Variants in PLEKHG1 observed in about 807,000 individuals in gnomAD.
The protein encoded by PLEKHG1 is pleckstrin homology domain-containing family G member 1.
A neutral mutation model predicts 100.8 loss-of-function variants in PLEKHG1; 44 were observed. That is an observed-to-expected ratio of 0.44 (90% CI 0.34 to 0.56). PLEKHG1 has a LOEUF of 0.56. Among genes scored for constraint, PLEKHG1 ranks in the 20% least tolerant of loss-of-function variants. PLEKHG1 has a pLI of 0.01. For missense variants in PLEKHG1, 1,545 were observed against 1,720.9 expected (o/e 0.90, Z 1.81); for synonymous variants, 640 against 662.5 (o/e 0.97, Z 0.52).
At chr6:150,819,591 A>T (rs946645186) in intron 11 of PLEKHG1, 88 bp from the exon 13 acceptor site, 138 of 642,044 alleles carry the variant, frequency 2.1e-4, no homozygotes, top group Non-Finnish European at 3.7e-4. Flanking sequence ...AATAATAATA[A>T]ATCCATATAA....
chr6:150,619,131 C>G (rs1777189832), intron 1 of PLEKHG1, among the ~76,000 whole-genome samples: 1 of 152,106 alleles, frequency 6.6e-6, no homozygotes, highest in Non-Finnish European at 1.5e-5. Flanking sequence ...GGAACAGATC[C>G]TGGACAATTT....
intron 3 of PLEKHG1, among the ~76,000 whole-genome samples, chr6:150,675,290 T>C (rs183105341): frequency 9.2e-5 from 14 of 152,316 alleles, no homozygotes; most frequent in East Asian, 5.8e-4. Context: ...ACTTGCATGA[T>C]TGAGGAGCTT....
Position 150,690,315 on chromosome 6 carries a change from A to ATGCT in PLEKHG1, c.-99+39529_-99+39530insTGCT, listed in dbSNP as rs1280098535. 7.9e-5 allele frequency among the ~76,000 whole-genome samples: 12 copies of ATGCT among 151,972 alleles called. No individual in the cohort carries two copies. In the East Asian group the frequency reaches 2.3e-3, roughly 29 times the overall value. On this transcript the variant is annotated intron_variant, in intron 3 of 3. Coordinates refer to the PLEKHG1 transcript ENST00000367326. The stretch of plus-strand genomic sequence containing the variant: ...TGGGATCCTGGTGCGCCCATCACCC[A>ATGCT]AGCAGCATACACTGCACCACATCTT...
intron 3 of PLEKHG1, among the ~76,000 whole-genome samples, chr6:150,677,302 A>ACG (rs377732298): frequency 1.6e-3 from 230 of 144,402 alleles, no homozygotes; most frequent in Middle Eastern, 0.014. Flanking sequence ...ACACACACAC[A>ACG]CGCGCGCGCG....
At chr6:150,805,044 T>C (rs1786979182) in intron 7 of PLEKHG1, among the ~76,000 whole-genome samples, 1 of 152,024 alleles carries the variant, frequency 6.6e-6, no homozygotes, top group South Asian at 2.1e-4. Flanking sequence ...CAAGCAGTTA[T>C]TCCCCCTCAG....
At chr6:150,775,837 G>T (rs1784931692) in intron 3 of PLEKHG1, among the ~76,000 whole-genome samples, 1 of 152,120 alleles carries the variant, frequency 6.6e-6, no homozygotes, top group Non-Finnish European at 1.5e-5. Context: ...CAATGGTAGA[G>T]ATATTTTTAC....
At chr6:150,829,075 T>A (rs1281098462) in intron 14 of PLEKHG1, among the ~76,000 whole-genome samples, 1 of 152,224 alleles carries the variant, frequency 6.6e-6, no homozygotes, top group Non-Finnish European at 1.5e-5. Flanking sequence ...CCAATTAACA[T>A]CTATCCCATT....
rs1364742253 is a variant in PLEKHG1 at position 150,606,720 on chromosome 6, A to G, written c.-204+6703A>G. Among the ~76,000 whole-genome samples the G allele has an allele frequency of 3.3e-5, 5 of 152,162 alleles. No individual in the cohort carries two copies. The South Asian group carries it at 8.3e-4, about 25-fold the overall frequency. ...TCTGGATGATTCAGTGGAAGTCTTGACAAAACTTGGCTATTTCTGGCTGTA... is the reference window on the plus strand; with the variant it reads ...TCTGGATGATTCAGTGGAAGTCTTGGCAAAACTTGGCTATTTCTGGCTGTA... On this transcript the variant is annotated intron_variant, in intron 1 of 3. Transcript: ENST00000367326.
intron 1 of PLEKHG1, chr6:150,625,094 A>G (rs1314573728): frequency 6.6e-6 from 1 of 152,160 alleles, no homozygotes; most frequent in Non-Finnish European, 1.5e-5. Flanking sequence ...CAGTGAGCCA[A>G]GATCGTGCCA....
chr6:150,812,477 TCAAAGG>T (rs1231265084), intron 10 of PLEKHG1, among the ~76,000 whole-genome samples: 11 of 152,052 alleles, frequency 7.2e-5, no homozygotes, highest in Non-Finnish European at 1.5e-4. Context: ...AGACACAGTC[TCAAAGG>T]CTGCCGAGGT....
intron 1 of PLEKHG1, among the ~76,000 whole-genome samples, chr6:150,612,442 C>G (rs1422576066): frequency 6.6e-6 from 1 of 152,170 alleles, no homozygotes; most frequent in Non-Finnish European, 1.5e-5. Flanking sequence ...CGGCAATTCT[C>G]CTGCCTCAGC....
At chr6:150,768,052 G>T (rs1379381702) in intron 2 of PLEKHG1, among the ~76,000 whole-genome samples, 2 of 152,112 alleles carry the variant, frequency 1.3e-5, no homozygotes, top group Non-Finnish European at 2.9e-5. Context: ...AGATCTGTTT[G>T]GGAGCTGTTT....
intron 2 of PLEKHG1, among the ~76,000 whole-genome samples, chr6:150,768,266 G>A (rs1194721042): frequency 1.3e-5 from 2 of 152,094 alleles, no homozygotes; most frequent in East Asian, 3.8e-4. Flanking sequence ...TTTATTTCTG[G>A]TTTTTCACTA....
intron 2 of PLEKHG1, among the ~76,000 whole-genome samples, chr6:150,738,830 T>C (rs1163733490): frequency 6.6e-6 from 1 of 152,232 alleles, no homozygotes; most frequent in Non-Finnish European, 1.5e-5. Flanking sequence ...GGAGCTGTTA[T>C]TTCTATTTTA....
intron 1 of PLEKHG1, among the ~76,000 whole-genome samples, chr6:150,611,201 C>G (rs1218415975): frequency 2.6e-5 from 4 of 152,180 alleles, no homozygotes; most frequent in African/African-American, 7.2e-5. Flanking sequence ...ATTTGCAGAT[C>G]TGATGTTCAA....
chr6:150,713,104 G>A (rs981471103), intron 3 of PLEKHG1, among the ~76,000 whole-genome samples: 1 of 152,308 alleles, frequency 6.6e-6, no homozygotes, highest in African/African-American at 2.4e-5. Flanking sequence ...ACATGAGGGC[G>A]AGTAAGAGGT....
At chr6:150,701,180 TGTG>T (rs1333030017) in intron 3 of PLEKHG1, among the ~76,000 whole-genome samples, 5 of 150,942 alleles carry the variant, frequency 3.3e-5, no homozygotes, top group East Asian at 3.9e-4. Flanking sequence ...ATTAGCCAGG[TGTG>T]GTGGTGGGCG....
At chr6:150,796,010 T>C in intron 5 of PLEKHG1, 108 bp downstream of exon 6, 1 of 713,096 alleles carries the variant, frequency 1.4e-6, no homozygotes, top group Non-Finnish European at 2.5e-6. Context: ...GGCCTTGTGC[T>C]GAATACTATG....
intron 3 of PLEKHG1, among the ~76,000 whole-genome samples, chr6:150,654,501 A>G (rs1389358253): frequency 6.6e-6 from 1 of 152,212 alleles, no homozygotes; most frequent in African/African-American, 2.4e-5. Context: ...GAGCAGGTGC[A>G]GGAGGACCAC....
Sources: allele counts gnomAD v4.1 joint callset (sites outside exome capture counted in the v4.1 genomes callset), GRCh38; gene constraint gnomAD v4.1.1; transcripts MANE v1.5; gene names NCBI Gene and HGNC (gene_info 2026-07-23, HGNC 2026-07-21).